The following SH2D4B variants were observed in gnomAD, a reference collection of about 807,000 sequenced individuals.
The protein encoded by SH2D4B is SH2 domain-containing protein 4B.
SH2D4B carries 45 observed loss-of-function variants against 61.5 expected under a neutral mutation model. The observed-to-expected ratio is 0.73, with a 90% CI of 0.58 to 0.94. The LOEUF (loss-of-function observed/expected upper bound fraction) is 0.94. SH2D4B is among the 40% of genes least tolerant of loss of function. The pLI is 0.00. For synonymous variants in SH2D4B, 224 were observed against 220.4 expected (o/e 1.02, Z -0.14); for missense variants, 572 against 574.2 (o/e 1.00, Z 0.04).
chr10:80,625,866 G>A (rs1327687778), intron 6 of SH2D4B, among the ~76,000 whole-genome samples: 1 of 152,096 alleles, frequency 6.6e-6, no homozygotes, highest in African/African-American at 2.4e-5. Flanking sequence ...GAGCCACCAT[G>A]CCTGGCCTGT....
At chr10:80,568,875 C>A (rs1842004274) in intron 1 of SH2D4B, among the ~76,000 whole-genome samples, 1 of 152,182 alleles carries the variant, frequency 6.6e-6, no homozygotes. Context: ...AACCTCCTCC[C>A]TTAGAATGAA....
intron 1 of SH2D4B, among the ~76,000 whole-genome samples, chr10:80,543,281 C>T (rs955267178): frequency 5.3e-5 from 8 of 152,108 alleles, no homozygotes; most frequent in Admixed American, 2.6e-4. Flanking sequence ...GAGGCGCCAG[C>T]GGGAACCGGG....
In SH2D4B at chr10:80,571,589, G is replaced by C. The variant is rs1398030696; in HGVS notation, c.495+11G>C. 1 of 1,612,786 alleles carries C rather than the reference G, an allele frequency of 6.2e-7. No individual in the cohort carries two copies. The highest frequency in any genetic ancestry group is 1.7e-5 in the Admixed American group (1 of 59,978). On this transcript the variant is annotated intron_variant, in intron 3 of 7. Transcript: ENST00000646907. ...CACGAGGAATTCAAGGTGGGCCAGC[G>C]CATGGGGCCCCTGCGTGCGGCCACC... is the stretch of plus-strand genomic sequence containing the variant.
chr10:80,551,533 A>G (rs1841761483), intron 1 of SH2D4B, among the ~76,000 whole-genome samples: 1 of 152,224 alleles, frequency 6.6e-6, no homozygotes, highest in Admixed American at 6.5e-5. Flanking sequence ...AGAAAAATGA[A>G]GGAAAAAAAA....
chr10:80,587,362 C>T (rs897438049), intron 3 of SH2D4B, among the ~76,000 whole-genome samples: 1 of 151,868 alleles, frequency 6.6e-6, no homozygotes, highest in African/African-American at 2.4e-5. Context: ...CTCACTGCAA[C>T]CTCCTCCTTC....
intron 4 of SH2D4B, among the ~76,000 whole-genome samples, chr10:80,601,412 T>C (rs1367744794): frequency 6.6e-6 from 1 of 152,236 alleles, no homozygotes; most frequent in Admixed American, 6.5e-5. Flanking sequence ...AACTTGCCCC[T>C]GAGTGCCTTG....
intron 5 of SH2D4B, among the ~76,000 whole-genome samples, chr10:80,607,753 A>T (rs1335499346): frequency 2.0e-5 from 3 of 152,242 alleles, no homozygotes; most frequent in African/African-American, 7.2e-5. Context: ...AAAAACAAGG[A>T]TAACCATGAA....
At chr10:80,609,737 C>T (rs994205998) in intron 6 of SH2D4B, among the ~76,000 whole-genome samples, 186 bp downstream of exon 6, 1 of 152,216 alleles carries the variant, frequency 6.6e-6, no homozygotes, top group African/African-American at 2.4e-5. Context: ...AACGGGCCTC[C>T]CAACTCTTCT....
At chr10:80,619,872 T>C (rs1036581122) in intron 6 of SH2D4B, among the ~76,000 whole-genome samples, 6 of 152,222 alleles carry the variant, frequency 3.9e-5, no homozygotes, top group Non-Finnish European at 5.9e-5. Context: ...GAAAAGACTC[T>C]GTCCTGGAGT....
chr10:80,640,282 C>T (rs557350812), intron 7 of SH2D4B, among the ~76,000 whole-genome samples: 4 of 152,242 alleles, frequency 2.6e-5, no homozygotes, highest in South Asian at 2.1e-4. Context: ...TTGCTCTTCA[C>T]GAGGAGTATC....
intron 6 of SH2D4B, among the ~76,000 whole-genome samples, chr10:80,613,321 G>T (rs1191299304): frequency 1.3e-5 from 2 of 152,196 alleles, no homozygotes; most frequent in African/African-American, 2.4e-5. Context: ...GGGGAAAAAG[G>T]TATTTTCAAA....
chr10:80,539,009 A>G lies in SH2D4B; in HGVS notation c.184+494A>G, dbSNP rs562963990. 5.3e-4 allele frequency among the ~76,000 whole-genome samples: 81 copies of G among 152,300 alleles called. No homozygotes were observed. Among genetic ancestry groups the G allele is most frequent in the African/African-American group, 1.9e-3 (78 of 41,560 alleles). On this transcript the variant is annotated intron_variant, in intron 1 of 7. Coordinates refer to ENST00000646907, the MANE Select transcript of SH2D4B (RefSeq NM_001388272.1). The surrounding 1 kb of genome is among the most constrained non-coding windows in gnomAD (Gnocchi z 4.9). ...TCCCTCCAGATCCTCCGGCAGGAGG[A>G]TGCTGTGGGTTGTCTCTGGAGCCCC...
chr10:80,615,087 G>A (rs1184746406), intron 6 of SH2D4B, among the ~76,000 whole-genome samples: 2 of 152,234 alleles, frequency 1.3e-5, no homozygotes, highest in African/African-American at 4.8e-5. Flanking sequence ...GTTGGGGCTT[G>A]GCCCCTCTGA....
chr10:80,544,697 C>T (rs1413716219), intron 1 of SH2D4B, among the ~76,000 whole-genome samples: 1 of 152,244 alleles, frequency 6.6e-6, no homozygotes, highest in African/African-American at 2.4e-5. Flanking sequence ...CATGGTGGCC[C>T]TGATCTCAGT....
At chr10:80,600,433 C>G (rs1293580760) in intron 4 of SH2D4B, among the ~76,000 whole-genome samples, 1 of 151,994 alleles carries the variant, frequency 6.6e-6, no homozygotes, top group African/African-American at 2.4e-5. Context: ...TCTGAGCTGA[C>G]CCGGTTGGTC....
At chr10:80,547,283 T>C (rs1014164366) in intron 1 of SH2D4B, among the ~76,000 whole-genome samples, 3 of 152,248 alleles carry the variant, frequency 2.0e-5, no homozygotes, top group Admixed American at 2.0e-4. Context: ...TGCTTAAAGC[T>C]GCCTTGCGCC....
At chr10:80,604,757 C>T (rs10785965) in intron 5 of SH2D4B, among the ~76,000 whole-genome samples, 101,288 of 151,380 alleles carry the variant, frequency 0.67, 34,348 homozygotes, top group East Asian at 0.78. Flanking sequence ...ATCTACTCCA[C>T]TCCCCCTTCT....
At chr10:80,602,307 A>G (rs1448850576) in intron 4 of SH2D4B, among the ~76,000 whole-genome samples, 1 of 152,118 alleles carries the variant, frequency 6.6e-6, no homozygotes, top group East Asian at 1.9e-4. Flanking sequence ...ACAAAAAATT[A>G]AAAAACTTAG....
At chr10:80,562,940 C>T (rs1344657259) in intron 1 of SH2D4B, among the ~76,000 whole-genome samples, 2 of 120,190 alleles carry the variant, frequency 1.7e-5, no homozygotes, top group South Asian at 2.6e-4. Context: ...CTCGCTCTGT[C>T]GCCCAGGCTG....
Sources: gnomAD v4.1 joint callset for allele counts (sites outside exome capture counted in the v4.1 genomes callset) on GRCh38, gnomAD v4.1.1 for gene constraint, Gnocchi (gnomAD v3.1) non-coding constraint, MANE v1.5 for transcripts, NCBI Gene and HGNC (gene_info 2026-07-23, HGNC 2026-07-21) for gene names.